The following VSTM1 variants were observed in gnomAD, a reference collection of about 807,000 sequenced individuals.
VSTM1 encodes V-set and transmembrane domain containing 1, also known as V-set and transmembrane domain-containing protein 1.
Under a neutral mutation model 33.1 loss-of-function variants are expected in VSTM1, and 27 were observed. The observed-to-expected ratio is 0.82, with a 90% CI of 0.60 to 1.12. The LOEUF is 1.12. Among genes scored for constraint, VSTM1 ranks in the 50% most tolerant of loss-of-function variants. The pLI is 0.00. For synonymous variants in VSTM1, 115 were observed against 110.3 expected (o/e 1.04, Z -0.27); for missense variants, 304 against 288.9 (o/e 1.05, Z -0.38).
At chr19:54,060,954 A>G (rs1276357144) in intron 1 of VSTM1, among the ~76,000 whole-genome samples, 2 of 150,310 alleles carry the variant, frequency 1.3e-5, no homozygotes, top group Non-Finnish European at 3.0e-5. Context: ...GCCTCCCAAC[A>G]TGCTGGGATT....
At chr19:54,057,351 C>T (rs1182246120) in intron 3 of VSTM1, among the ~76,000 whole-genome samples, 1 of 100,970 alleles carries the variant, frequency 9.9e-6, no homozygotes, top group Non-Finnish European at 2.2e-5. Flanking sequence ...CCTGTCTCAA[C>T]AAGTAATTTA....
chr19:54,050,134 G>A (rs1178424228), intron 4 of VSTM1, among the ~76,000 whole-genome samples: 1 of 151,142 alleles, frequency 6.6e-6, no homozygotes, highest in East Asian at 1.9e-4. Context: ...GAGTAGCTGG[G>A]AATACAGGCG....
At chr19:54,042,806 GTA>G (rs1203522841) in intron 4 of VSTM1, among the ~76,000 whole-genome samples, 2,915 of 57,782 alleles carry the variant, frequency 0.05, 69 homozygotes, top group African/African-American at 0.13. Context: ...ATATAAATGT[GTA>G]TATATATATA....
chr19:54,057,698 A>G (rs2071168697), intron 3 of VSTM1, among the ~76,000 whole-genome samples: 1 of 151,202 alleles, frequency 6.6e-6, no homozygotes, highest in Non-Finnish European at 1.5e-5. Context: ...AGTTCCAGCT[A>G]CTCGGGAGGC....
intron 4 of VSTM1, among the ~76,000 whole-genome samples, chr19:54,050,689 G>A (rs948623850): frequency 9.9e-5 from 15 of 152,064 alleles, no homozygotes; most frequent in African/African-American, 3.4e-4. Flanking sequence ...GGGCTTTAAA[G>A]TTCTTCTAGG....
chr19:54,059,272 GCTGGTCTTGAACTC>G (rs1231658967), intron 1 of VSTM1, among the ~76,000 whole-genome samples: 1 of 151,980 alleles, frequency 6.6e-6, no homozygotes, highest in Non-Finnish European at 1.5e-5. Flanking sequence ...TGTTGGCCAG[GCTGGTCTTGAACTC>G]CTGACCTCAG....
Position 54,042,281 on chromosome 19 carries a change from C to A in VSTM1, c.483G>T (p.Gln161His). The A allele has an allele frequency of 1.2e-6, 2 of 1,613,812 alleles. No individual in the cohort carries two copies. The highest frequency in any genetic ancestry group is 1.7e-6 in the Non-Finnish European group (2 of 1,179,954). ...CTTTGCGTTCTCTGAGCTCACTGTGCTGGCTGCATCTGTAGATGATGAAGA... is the reference window on the plus strand; with the variant it reads ...CTTTGCGTTCTCTGAGCTCACTGTGATGGCTGCATCTGTAGATGATGAAGA... ...LSVFIIYRCSQHSSSSEESTK... is the reference protein window; with the variant it reads ...LSVFIIYRCSHHSSSSEESTK... The change falls in exon 5 of 9, where the codon CAG becomes CAT. Residue 161 changes from glutamine to histidine, a missense_variant. Coordinates refer to ENST00000338372, the MANE Select transcript of VSTM1 (RefSeq NM_198481.4).
At position 54,058,550 on chromosome 19, in the gene VSTM1, C is replaced by G; in HGVS notation, c.111G>C (p.Ser37=). ...TCACATTGCTCTCGGCTTCAACCAC[C>G]GAGCTGGGCCAGGCGTGGAGGGAGG... ...PKPSLHAWPS[S]VVEAESNVTL... is the part of the protein sequence containing the mutation. Residue 37 remains serine (S), a synonymous_variant, in exon 3 of 9, where the codon TCG becomes TCC. Transcript: ENST00000338372. 1 of 1,614,028 alleles carries G rather than the reference C, an allele frequency of 6.2e-7. No individual in the cohort carries two copies. The highest frequency in any genetic ancestry group is 8.5e-7 in the Non-Finnish European group (1 of 1,180,020).
At chr19:54,046,206 T>A (rs2070578906) in intron 4 of VSTM1, among the ~76,000 whole-genome samples, 1 of 152,190 alleles carries the variant, frequency 6.6e-6, no homozygotes, top group Admixed American at 6.6e-5. Context: ...ATCTATCACA[T>A]CTAATTATCT....
intron 8 of VSTM1, 106 bp downstream of exon 8, chr19:54,041,673 C>G (rs768778101): frequency 1.6e-6 from 2 of 1,233,496 alleles, no homozygotes; most frequent in Non-Finnish European, 2.3e-6. Flanking sequence ...AGACCACATG[C>G]GTGATAAACA....
At chr19:54,063,706 C>G (rs1374364540) in intron 1 of VSTM1, 38 bp downstream of exon 1, 1 of 1,612,542 alleles carries the variant, frequency 6.2e-7, no homozygotes, top group South Asian at 1.1e-5. Flanking sequence ...GTTTTTCTCA[C>G]CAGCCCAAGC....
Position 54,040,904 on chromosome 19 carries a change from C to A in VSTM1, c.*57G>T. ...ACACAGTATCTGCATCTCCAGATTT[C>A]CGATAACCTTGGCCAGCACGATCCC... On this transcript the variant is annotated 3_prime_UTR_variant, in exon 9 of 9. Coordinates refer to ENST00000338372, the MANE Select transcript of VSTM1 (RefSeq NM_198481.4). 2 of 1,572,586 alleles carry A rather than the reference C, an allele frequency of 1.3e-6. No homozygotes were observed. The highest frequency in any genetic ancestry group is 1.7e-6 in the Non-Finnish European group (2 of 1,163,196).
In VSTM1 at chr19:54,059,755, T is replaced by C. The variant is rs531550920; in HGVS notation, c.35-1023A>G. Among the ~76,000 whole-genome samples the C allele has an allele frequency of 2.0e-5, 3 of 152,124 alleles. No homozygotes were observed. In the South Asian group the frequency reaches 6.2e-4, roughly 32 times the overall value. The stretch of plus-strand genomic sequence containing the variant: ...TCCCAAAGCGCTGGGATTACAGGCA[T>C]GAGCCACCGTGCCCGGCCTGATTGC... On this transcript the variant is annotated intron_variant, in intron 1 of 8. Transcript: ENST00000338372.
At chr19:54,042,427 G>A in intron 4 of VSTM1, 58 bp from the exon 5 acceptor site, 1 of 1,571,142 alleles carries the variant, frequency 6.4e-7, no homozygotes, top group Non-Finnish European at 8.6e-7. Context: ...CACTGATAGG[G>A]GCGAGCCGAA....
At chr19:54,045,734 G>C (rs2070547051) in intron 4 of VSTM1, among the ~76,000 whole-genome samples, 1 of 151,300 alleles carries the variant, frequency 6.6e-6, no homozygotes. Flanking sequence ...TTTCTATCTT[G>C]CAACTCTATC....
At position 54,042,161 on chromosome 19, in the gene VSTM1, G is replaced by T; in HGVS notation, c.515+8C>A. The T allele has an allele frequency of 1.1e-5, 18 of 1,613,964 alleles. No individual in the cohort carries two copies. Among genetic ancestry groups the T allele is most frequent in the Non-Finnish European group, 1.5e-5 (18 of 1,179,982 alleles). ...ATAAGTGGAGCATGAGCTATGCCAA[G>T]CATCTACCTCTTGGTGGATTCCTCA... On this transcript the variant is annotated splice_region_variant and intron_variant, in intron 6 of 8. Coordinates refer to ENST00000338372, the MANE Select transcript of VSTM1 (RefSeq NM_198481.4).
chr19:54,042,343 A>G lies in VSTM1; in HGVS notation c.421T>C (p.Phe141Leu), dbSNP rs1352212607. The G allele has an allele frequency of 1.2e-6, 2 of 1,613,720 alleles. No homozygotes were observed. Among genetic ancestry groups the G allele is most frequent in the Non-Finnish European group, 1.7e-6 (2 of 1,179,920 alleles). Residue 141 changes from phenylalanine (F) to leucine (L), a missense_variant, in exon 5 of 9, where the codon TTC becomes CTC. Transcript: ENST00000338372. ...AGGAGAAGGATGGAGATGCAGCTGA[A>G]GATGGCGACAAAGATGGTTCTGGTG... ...TDTRTIFVAIFSCISILLLFL... is the reference protein window; with the variant it reads ...TDTRTIFVAILSCISILLLFL...
chr19:54,049,610 C>T (rs10416558), intron 4 of VSTM1, among the ~76,000 whole-genome samples: 37,481 of 152,080 alleles, frequency 0.25, 5,186 homozygotes, highest in African/African-American at 0.36. Context: ...TCTCCCACCT[C>T]GTTTCTGATA....
chr19:54,049,734 A>G (rs2070749814), intron 4 of VSTM1, among the ~76,000 whole-genome samples: 1 of 152,166 alleles, frequency 6.6e-6, no homozygotes, highest in Non-Finnish European at 1.5e-5. Context: ...ACTATCATGG[A>G]ATAAAAACGT....
Sources: allele counts gnomAD v4.1 joint callset (sites outside exome capture counted in the v4.1 genomes callset), GRCh38; gene constraint gnomAD v4.1.1; transcripts MANE v1.5; gene names NCBI Gene and HGNC (gene_info 2026-07-23, HGNC 2026-07-21).